The following TOP3A variants were observed in gnomAD, a reference collection of about 807,000 sequenced individuals.
TOP3A encodes DNA topoisomerase 3-alpha.
Under a neutral mutation model 111.3 loss-of-function variants are expected in TOP3A, and 64 were observed. That is an observed-to-expected ratio of 0.57 (90% CI 0.47 to 0.71). TOP3A has a LOEUF of 0.71. Among genes scored for constraint, TOP3A ranks in the 30% least tolerant of loss-of-function variants. The pLI is 0.00. For missense variants in TOP3A, 1,104 were observed against 1,285.0 expected (o/e 0.86, Z 2.15); for synonymous variants, 484 against 485.1 (o/e 1.00, Z 0.03).
Position 18,308,977 on chromosome 17 carries a change from G to A in TOP3A, c.181-36C>T, listed in dbSNP as rs530856780. ...AAAATAAGTAAAAAATATAAATTAC[G>A]TTTAAAACAATGGATTCCTTTGTAT... On this transcript the variant is annotated intron_variant, in intron 1 of 18. Coordinates refer to ENST00000321105, the MANE Select transcript of TOP3A (RefSeq NM_004618.5). The A allele has an allele frequency of 1.9e-5, 22 of 1,188,396 alleles. No individual in the cohort carries two copies. The Admixed American group carries it at 1.9e-4, about 10-fold the overall frequency. The allele number at this position is 1,188,396 out of a possible 1,614,324, so 73.6% of individuals were successfully genotyped here. A position where few individuals can be genotyped will look rare whatever the true frequency, so the allele number is the denominator to read the frequency against.
intron 9 of TOP3A, 46 bp from the exon 10 acceptor site, chr17:18,294,831 G>T: frequency 1.5e-6 from 2 of 1,304,144 alleles, no homozygotes; most frequent in Non-Finnish European, 1.1e-6. Context: ...GCATGGGTCA[G>T]GCAGCACAAC....
At chr17:18,292,413 A>C in intron 11 of TOP3A, among the ~76,000 whole-genome samples, 1 of 152,152 alleles carries the variant, frequency 6.6e-6, no homozygotes, top group Admixed American at 6.6e-5. Context: ...ACTAGCAGGG[A>C]AGCAGCAGGA....
intron 4 of TOP3A, among the ~76,000 whole-genome samples, chr17:18,305,484 A>ACGCGCGCGCGCGCGCG (rs780995241): frequency 6.8e-6 from 1 of 147,882 alleles, no homozygotes; most frequent in Non-Finnish European, 1.5e-5. Context: ...TAACACACAC[A>ACGCGCGCGCGCGCGCG]CACGCGCGCG....
chr17:18,288,204 G>A (rs1980245050), intron 13 of TOP3A, among the ~76,000 whole-genome samples: 1 of 135,984 alleles, frequency 7.4e-6, no homozygotes, highest in South Asian at 2.3e-4. Flanking sequence ...CAAGGCTGAA[G>A]TGCAGTGGCA....
At chr17:18,297,674 C>A (rs1314282157) in intron 9 of TOP3A, among the ~76,000 whole-genome samples, 1 of 152,092 alleles carries the variant, frequency 6.6e-6, no homozygotes, top group Non-Finnish European at 1.5e-5. Flanking sequence ...ATCCGCCAGC[C>A]TCGGCATCCT....
In TOP3A at chr17:18,285,444, C is replaced by G; in HGVS notation, c.1674G>C (p.Arg558=). 1.2e-6 allele frequency: 2 copies of G among 1,614,108 alleles called. No individual in the cohort carries two copies. The highest frequency in any genetic ancestry group is 1.7e-6 in the Non-Finnish European group (2 of 1,180,022). The change falls in exon 14 of 19, where the codon CGG becomes CGC. Residue 558 remains arginine (R), a synonymous_variant. Coordinates refer to ENST00000321105, the MANE Select transcript of TOP3A (RefSeq NM_004618.5). Reference sequence around the variant, plus strand: ...CCATGCCCAGGTGCCCAGGGAGGAACCGCTTGTCTGGGGTGAGGCCCACGT... The same window carrying G: ...CCATGCCCAGGTGCCCAGGGAGGAAGCGCTTGTCTGGGGTGAGGCCCACGT... ...RMYVGLTPDK[R]FLPGHLGMGL...
chr17:18,298,401 C>G (rs1980995357), intron 9 of TOP3A, among the ~76,000 whole-genome samples: 1 of 148,148 alleles, frequency 6.8e-6, no homozygotes, highest in South Asian at 2.1e-4. Flanking sequence ...GCCCCCCACC[C>G]GGCCAGCCTC....
intron 17 of TOP3A, among the ~76,000 whole-genome samples, chr17:18,279,183 G>A (rs1210146350): frequency 6.6e-6 from 1 of 152,086 alleles, no homozygotes; most frequent in African/African-American, 2.4e-5. Flanking sequence ...TTTTGCTTTT[G>A]AAAATAGGTA....
intron 3 of TOP3A, 57 bp downstream of exon 3, chr17:18,308,294 G>C (rs770553574): frequency 3.2e-6 from 3 of 932,766 alleles, no homozygotes; most frequent in Non-Finnish European, 4.6e-6. Context: ...CAAAATTCCT[G>C]TGAAATTTCA....
chr17:18,309,001 A>G, intron 1 of TOP3A, 60 bp from the exon 2 acceptor site: 8 of 938,974 alleles, frequency 8.5e-6, no homozygotes, highest in Non-Finnish European at 1.2e-5. Context: ...ATTCCTTTGT[A>G]TAATTCTTTC....
intron 3 of TOP3A, 158 bp from the exon 4 acceptor site, chr17:18,307,124 G>A (rs112519344): frequency 1.1e-5 from 6 of 568,664 alleles, no homozygotes; most frequent in African/African-American, 7.5e-5. Context: ...ATGACACACT[G>A]TCCACTTCTC....
intron 13 of TOP3A, among the ~76,000 whole-genome samples, chr17:18,286,285 C>T (rs925282846): frequency 3.4e-5 from 5 of 148,316 alleles, no homozygotes; most frequent in Non-Finnish European, 5.9e-5. Flanking sequence ...GGGCAGATCA[C>T]GAGGTCAGGA....
intron 13 of TOP3A, among the ~76,000 whole-genome samples, chr17:18,289,487 T>C (rs1431395575): frequency 6.6e-6 from 1 of 152,136 alleles, no homozygotes; most frequent in Non-Finnish European, 1.5e-5. Context: ...GTTGGTCAGG[T>C]TGGTGGTCTT....
At chr17:18,288,724 GA>G (rs1430129684) in intron 13 of TOP3A, among the ~76,000 whole-genome samples, 10 of 152,174 alleles carry the variant, frequency 6.6e-5, no homozygotes, top group Admixed American at 2.0e-4. Flanking sequence ...CGCTGATCCA[GA>G]AGTCTTACTA....
intron 18 of TOP3A, among the ~76,000 whole-genome samples, chr17:18,275,293 C>CAA (rs538677203): frequency 0.068 from 4,047 of 59,438 alleles, 371 homozygotes; most frequent in African/African-American, 0.2. Context: ...GACCCTGTCT[C>CAA]AAAAAAAAAA....
chr17:18,302,147 G>T, intron 7 of TOP3A, 117 bp downstream of exon 7: 1 of 1,398,068 alleles, frequency 7.2e-7, no homozygotes, highest in Non-Finnish European at 9.8e-7. Flanking sequence ...GGGCCAGGGA[G>T]GATGACAGCA....
At chr17:18,293,491 T>G (rs889184277) in intron 10 of TOP3A, among the ~76,000 whole-genome samples, 1 of 151,552 alleles carries the variant, frequency 6.6e-6, no homozygotes, top group East Asian at 1.9e-4. Flanking sequence ...TTTGTCATGT[T>G]GCTCAGGTCG....
At chr17:18,288,085 T>C (rs1201591763) in intron 13 of TOP3A, among the ~76,000 whole-genome samples, 3 of 149,624 alleles carry the variant, frequency 2.0e-5, no homozygotes, top group Non-Finnish European at 4.4e-5. Flanking sequence ...ACATTATACA[T>C]TTGAAGGAGA....
Position 18,282,635 on chromosome 17 carries a change from G to A in TOP3A, c.2021+63C>T, listed in dbSNP as rs150447815. The A allele has an allele frequency of 1.6e-4, 263 of 1,601,038 alleles. 4 individuals are homozygous for A. The South Asian group carries it at 2.3e-3, about 14-fold the overall frequency. On this transcript the variant is annotated intron_variant, in intron 16 of 18. Coordinates refer to ENST00000321105, the MANE Select transcript of TOP3A (RefSeq NM_004618.5). ...ATGGAGTGAAATGGCAGGGTCTTTCGAGCTACGGCTGACACCGCAGGTGCT... is the reference window on the plus strand; with the variant it reads ...ATGGAGTGAAATGGCAGGGTCTTTCAAGCTACGGCTGACACCGCAGGTGCT...
Sources: gnomAD v4.1 joint callset for allele counts (sites outside exome capture counted in the v4.1 genomes callset) on GRCh38, gnomAD v4.1.1 for gene constraint, MANE v1.5 for transcripts, NCBI Gene and HGNC (gene_info 2026-07-23, HGNC 2026-07-21) for gene names.